The following RNF41 variants were observed in gnomAD, a reference collection of about 807,000 sequenced individuals.
The protein encoded by RNF41 is E3 ubiquitin-protein ligase NRDP1.
A neutral mutation model predicts 33.0 loss-of-function variants in RNF41; 4 were observed. The observed-to-expected ratio is 0.12, with a 90% CI of 0.06 to 0.28. RNF41 has a LOEUF of 0.28. Among genes scored for constraint, RNF41 ranks in the 10% least tolerant of loss-of-function variants. The pLI, the probability that RNF41 is intolerant of heterozygous loss-of-function variation, is 1.00. For synonymous variants in RNF41, 164 were observed against 153.2 expected, an observed-to-expected ratio of 1.07 and a Z score of -0.52; for missense variants, 228 against 432.6, an observed-to-expected ratio of 0.53 and a Z score of 4.19.
chr12:56,207,066 C>T, intron 6 of RNF41: 1 of 1,325,684 alleles, frequency 7.5e-7, no homozygotes, highest in Non-Finnish European at 9.8e-7. Flanking sequence ...CATATAGCGC[C>T]TAACACAGTT....
At chr12:56,213,897 A>C (rs1868661886) in intron 3 of RNF41, 61 bp downstream of exon 3, 2 of 1,078,326 alleles carry the variant, frequency 1.9e-6, no homozygotes, top group Admixed American at 3.4e-5. Context: ...GCCCATGAAT[A>C]TTTTCTACTA....
intron 3 of RNF41, 99 bp downstream of exon 3, chr12:56,213,859 A>C (rs1592355415): frequency 2.5e-6 from 2 of 816,248 alleles, no homozygotes; most frequent in Middle Eastern, 2.5e-4. Context: ...GGAGAGAAGA[A>C]CACAGTGACT....
rs1296441522 is a variant in RNF41, at chr12:56,203,190, CTTT to C, written c.*3254_*3256del. On this transcript the variant is annotated 3_prime_UTR_variant, in exon 7 of 7. Coordinates refer to ENST00000345093, the MANE Select transcript of RNF41 (RefSeq NM_005785.4). ...AAGATATCCCTTTTTCTTTTCTTTT[CTTT>C]TTTTTTTTTGAGACAGGCTCTTGCT... The C allele has an allele frequency of 8.7e-6, 1 of 115,052 alleles. No individual in the cohort carries two copies. Among genetic ancestry groups the C allele is most frequent in the African/African-American group, 3.0e-5 (1 of 33,176 alleles). 7.1% of individuals were successfully genotyped at this position (115,052 alleles called of 1,614,324 possible).
chr12:56,217,644 G>C (rs1869006014), intron 1 of RNF41, among the ~76,000 whole-genome samples: 1 of 152,190 alleles, frequency 6.6e-6, no homozygotes, highest in Admixed American at 6.5e-5. Context: ...ACCAGTACCA[G>C]ACTGTGGCCT....
chr12:56,217,486 T>C (rs1711711126), intron 1 of RNF41, among the ~76,000 whole-genome samples: 1 of 151,918 alleles, frequency 6.6e-6, no homozygotes, highest in Non-Finnish European at 1.5e-5. Context: ...AGGCGGAGGT[T>C]GCAGTGAGCC....
intron 4 of RNF41, 30 bp from the exon 5 acceptor site, chr12:56,208,328 C>T: frequency 6.2e-7 from 1 of 1,611,564 alleles, no homozygotes; most frequent in South Asian, 1.1e-5. Flanking sequence ...AAGAGCAGAA[C>T]AGAGGTGATC....
chr12:56,212,779 T>C (rs572039979), intron 3 of RNF41, among the ~76,000 whole-genome samples: 21 of 152,044 alleles, frequency 1.4e-4, no homozygotes, highest in South Asian at 8.3e-4. Flanking sequence ...AAATAAAGGC[T>C]CAAGGGGAGC....
intron 1 of RNF41, among the ~76,000 whole-genome samples, chr12:56,221,392 C>G (rs1869417288): frequency 6.6e-6 from 1 of 152,140 alleles, no homozygotes; most frequent in African/African-American, 2.4e-5. Flanking sequence ...TCCACCGCCC[C>G]TGCCCAGGCT....
Position 56,208,150 on chromosome 12 carries a change from T to C in RNF41, c.498+13A>G, listed in dbSNP as rs1410289486. On this transcript the variant is annotated intron_variant, in intron 5 of 6. Coordinates refer to ENST00000345093, the MANE Select transcript of RNF41 (RefSeq NM_005785.4). ...TATGAGGGATATGTTCTCCCCCGTG[T>C]CTTGGGGCCTACCTGCTCCGCCAGC... 1.9e-6 allele frequency: 3 copies of C among 1,614,156 alleles called. No homozygotes were observed. The highest frequency in any genetic ancestry group is 2.5e-6 in the Non-Finnish European group (3 of 1,180,032).
intron 3 of RNF41, chr12:56,212,952 C>G: frequency 7.9e-7 from 1 of 1,264,370 alleles, no homozygotes; most frequent in South Asian, 1.2e-5. Context: ...GATGCTGTCC[C>G]ATGAATACAA....
rs1392719627 is a variant in RNF41, at chr12:56,203,969, T to G, written c.*2478A>C. The G allele has an allele frequency of 6.6e-6, 1 of 151,876 alleles. No individual in the cohort carries two copies. The highest frequency in any genetic ancestry group is 1.5e-5 in the Non-Finnish European group (1 of 67,990). 9.4% of individuals were successfully genotyped at this position (151,876 alleles called of 1,614,324 possible). On this transcript the variant is annotated 3_prime_UTR_variant, in exon 7 of 7. Transcript: ENST00000345093. ...ATCCACCCACCTCGGCCTCCCAAAG[T>G]GCTGGGATTACAGGCGTGAGCCACC...
At chr12:56,217,789 C>G (rs144725441) in intron 1 of RNF41, among the ~76,000 whole-genome samples, 1 of 152,008 alleles carries the variant, frequency 6.6e-6, no homozygotes. Context: ...ACTGCCCATG[C>G]GAGGGATCTA....
In RNF41 at chr12:56,206,612, C is replaced by T; in HGVS notation, c.789G>A (p.Glu263=). ...AGTAGCGTCGGTTCATCTGTCTAGT[C>T]TCTAGTGTGGCCAGACCCTGGGGCC... is the stretch of plus-strand genomic sequence containing the variant. The part of the protein sequence containing the change: ...RSWPQGLATL[E]TRQMNRRYYE... Residue 263 remains glutamate, a synonymous_variant, in exon 7 of 7, where the codon GAG becomes GAA. Coordinates refer to ENST00000345093, the MANE Select transcript of RNF41 (RefSeq NM_005785.4). The surrounding 1 kb of genome is among the most constrained non-coding windows in gnomAD (Gnocchi z 5.7). 1 of 1,614,146 alleles carries T rather than the reference C, an allele frequency of 6.2e-7. No homozygotes were observed. Among genetic ancestry groups the T allele is most frequent in the East Asian group, 2.2e-5 (1 of 44,888 alleles).
intron 2 of RNF41, among the ~76,000 whole-genome samples, chr12:56,214,548 G>A (rs1426498937): frequency 6.8e-6 from 1 of 147,332 alleles, no homozygotes; most frequent in African/African-American, 2.5e-5. Context: ...TAATTCTAAG[G>A]CCTGGCACAG....
At chr12:56,221,343 G>A (rs1013394603) in intron 1 of RNF41, among the ~76,000 whole-genome samples, 9 of 152,152 alleles carry the variant, frequency 5.9e-5, no homozygotes, top group African/African-American at 1.9e-4. Context: ...GCATGGGAGA[G>A]GAGCCAAGCT....
chr12:56,209,612 C>T (rs1039821680), intron 4 of RNF41, among the ~76,000 whole-genome samples: 1 of 152,180 alleles, frequency 6.6e-6, no homozygotes, highest in African/African-American at 2.4e-5. Flanking sequence ...TGCCTGCCAC[C>T]ACGCCTGGCT....
intron 1 of RNF41, 37 bp downstream of exon 1, chr12:56,221,721 CCT>C (rs563692382): frequency 6.6e-6 from 1 of 152,424 alleles, no homozygotes; most frequent in African/African-American, 2.4e-5. Flanking sequence ...CCTCCCACAC[CCT>C]CTTTTAGGTG....
At chr12:56,211,899 G>A (rs1868509974) in intron 3 of RNF41, among the ~76,000 whole-genome samples, 1 of 152,062 alleles carries the variant, frequency 6.6e-6, no homozygotes, top group Non-Finnish European at 1.5e-5. Context: ...GTGAACCTGG[G>A]AGGCAGAGCT....
At chr12:56,212,255 G>A (rs1025507343) in intron 3 of RNF41, among the ~76,000 whole-genome samples, 41 of 152,198 alleles carry the variant, frequency 2.7e-4, no homozygotes, top group African/African-American at 9.7e-4. Context: ...TAGGTGCACA[G>A]TAATAAAGAC....
Sources: gnomAD v4.1 joint callset for allele counts (sites outside exome capture counted in the v4.1 genomes callset) on GRCh38, gnomAD v4.1.1 for gene constraint, Gnocchi (gnomAD v3.1) non-coding constraint, MANE v1.5 for transcripts, NCBI Gene and HGNC (gene_info 2026-07-23, HGNC 2026-07-21) for gene names.